Variants in GRID2 observed in about 807,000 individuals in gnomAD.
GRID2 encodes the protein glutamate receptor ionotropic, delta-2.
Under a neutral mutation model 114.8 loss-of-function variants are expected in GRID2, and 33 were observed. The ratio of observed to expected loss-of-function variants is 0.29; its 90% CI spans 0.22 to 0.38. The LOEUF (loss-of-function observed/expected upper bound fraction) is 0.38. Ranked by LOEUF, GRID2 falls within the 10% of genes least tolerant of loss-of-function variation. GRID2 has a pLI of 1.00. For synonymous variants in GRID2, 505 were observed against 449.9 expected (o/e 1.12, Z -1.55); for missense variants, 1,184 against 1,257.7 (o/e 0.94, Z 0.89).
At chr4:92,824,891 A>G (rs1223938539) in intron 2 of GRID2, among the ~76,000 whole-genome samples, 1 of 152,178 alleles carries the variant, frequency 6.6e-6, no homozygotes, top group Non-Finnish European at 1.5e-5. Flanking sequence ...AAAAACTATT[A>G]AACACATTGA....
At chr4:93,736,469 AT>A (rs1474332809) in intron 14 of GRID2, among the ~76,000 whole-genome samples, 1 of 152,058 alleles carries the variant, frequency 6.6e-6, no homozygotes, top group African/African-American at 2.4e-5. Flanking sequence ...TAAATCAAGC[AT>A]TCTGGCTTCT....
At chr4:93,627,497 CT>C (rs1171089594) in intron 14 of GRID2, among the ~76,000 whole-genome samples, 1 of 152,066 alleles carries the variant, frequency 6.6e-6, no homozygotes, top group African/African-American at 2.4e-5. Flanking sequence ...TTCTAAGGTC[CT>C]GTACTAGTCA....
At chr4:93,473,378 A>G (rs1725025147) in intron 11 of GRID2, among the ~76,000 whole-genome samples, 1 of 152,184 alleles carries the variant, frequency 6.6e-6, no homozygotes, top group Non-Finnish European at 1.5e-5. Flanking sequence ...TTCAACAATT[A>G]AAATCACATA....
chr4:93,006,328 C>A (rs1721520304), intron 2 of GRID2, among the ~76,000 whole-genome samples: 1 of 151,992 alleles, frequency 6.6e-6, no homozygotes, highest in East Asian at 1.9e-4. Context: ...AGGGGGAGAC[C>A]TAGCAGCGGC....
At chr4:93,556,201 T>C (rs1298176948) in intron 13 of GRID2, among the ~76,000 whole-genome samples, 1 of 152,022 alleles carries the variant, frequency 6.6e-6, no homozygotes, top group Non-Finnish European at 1.5e-5. Flanking sequence ...ATGCCTCTTC[T>C]CCTCCAAAGG....
chr4:92,655,978 T>G (rs1579779746), intron 2 of GRID2, among the ~76,000 whole-genome samples: 2 of 151,968 alleles, frequency 1.3e-5, no homozygotes, highest in South Asian at 4.1e-4. Context: ...CTTTTCCCCA[T>G]TCAGTATTAT....
intron 8 of GRID2, among the ~76,000 whole-genome samples, chr4:93,304,993 T>A (rs1402170783): frequency 1.3e-5 from 2 of 152,200 alleles, no homozygotes; most frequent in Non-Finnish European, 2.9e-5. Flanking sequence ...TTTAATGTAA[T>A]TTTGACAATT....
At chr4:93,726,419 G>A (rs1467821203) in intron 14 of GRID2, among the ~76,000 whole-genome samples, 1 of 152,190 alleles carries the variant, frequency 6.6e-6, no homozygotes, top group Non-Finnish European at 1.5e-5. Flanking sequence ...CAGGTAGCAT[G>A]ATGCCTCCAG....
chr4:92,576,473 C>G (rs1396281427), intron 1 of GRID2, among the ~76,000 whole-genome samples: 4 of 152,200 alleles, frequency 2.6e-5, no homozygotes, highest in Non-Finnish European at 5.9e-5. Flanking sequence ...GAAGTTGGGC[C>G]TGAAGACTGG....
At chr4:93,200,280 A>T (rs1741934478) in intron 4 of GRID2, among the ~76,000 whole-genome samples, 1 of 152,194 alleles carries the variant, frequency 6.6e-6, no homozygotes, top group South Asian at 2.1e-4. Flanking sequence ...CAAAAACATT[A>T]CATAGGCCGG....
intron 7 of GRID2, among the ~76,000 whole-genome samples, chr4:93,227,378 C>T (rs1160811529): frequency 6.6e-6 from 1 of 152,028 alleles, no homozygotes; most frequent in Non-Finnish European, 1.5e-5. Context: ...CAGCCACATG[C>T]CACCACACCT....
chr4:92,690,063 T>A (rs960752727), intron 2 of GRID2, among the ~76,000 whole-genome samples: 4 of 152,056 alleles, frequency 2.6e-5, no homozygotes, highest in Admixed American at 2.6e-4. Context: ...GAGTCACCCT[T>A]AAAAAAATTT....
rs542607498 is a variant in GRID2 at position 92,755,542 on chromosome 4, A to G, written c.244+165256A>G. Among the ~76,000 whole-genome samples the G allele has an allele frequency of 3.3e-5, 5 of 152,248 alleles. No homozygotes were observed. The East Asian group carries it at 9.7e-4, about 30-fold the overall frequency. ...CTGAATTAGGAACGCAAAGTGAGTTAAGCGAGGGAGCCCACCATGTAAAGA... is the reference window on the plus strand; with the variant it reads ...CTGAATTAGGAACGCAAAGTGAGTTGAGCGAGGGAGCCCACCATGTAAAGA... On this transcript the variant is annotated intron_variant, in intron 2 of 15. Transcript: ENST00000282020.
At chr4:92,587,106 GTGTGTGT>G (rs1728489972) in intron 1 of GRID2, among the ~76,000 whole-genome samples, 2 of 146,644 alleles carry the variant, frequency 1.4e-5, no homozygotes, top group South Asian at 2.1e-4. Flanking sequence ...TGCTGTGTGT[GTGTGTGT>G]GTGTGTGTGT....
At chr4:92,692,273 C>T (rs1024841646) in intron 2 of GRID2, among the ~76,000 whole-genome samples, 14 of 152,110 alleles carry the variant, frequency 9.2e-5, no homozygotes, top group African/African-American at 3.4e-4. Flanking sequence ...AATATTTCTG[C>T]TACAAGTACT....
chr4:92,862,829 A>G (rs1293267632), intron 2 of GRID2, among the ~76,000 whole-genome samples: 1 of 152,084 alleles, frequency 6.6e-6, no homozygotes, highest in Admixed American at 6.6e-5. Context: ...TAAGTCCTTC[A>G]TTCATTTTCT....
chr4:93,507,164 C>CT (rs1278455787), intron 12 of GRID2, among the ~76,000 whole-genome samples: 1 of 152,150 alleles, frequency 6.6e-6, no homozygotes, highest in Non-Finnish European at 1.5e-5. Context: ...TTACAGAGCT[C>CT]TTAATTATGG....
rs377672594 is a variant in GRID2 at position 92,674,108 on chromosome 4, T to C, written c.244+83822T>C. Among the ~76,000 whole-genome samples, 5 of 152,354 alleles carry C rather than the reference T, an allele frequency of 3.3e-5. No homozygotes were observed. In the East Asian group the frequency reaches 9.6e-4, roughly 29 times the overall value. ...TCTTATTGTGTTGAATTGAGTGCTT[T>C]TTCATTGGATTTATCCTGTTTAAAA... On this transcript the variant is annotated intron_variant, in intron 2 of 15. Coordinates refer to ENST00000282020, the MANE Select transcript of GRID2 (RefSeq NM_001510.4).
chr4:92,586,820 T>A (rs1052745981), intron 1 of GRID2, among the ~76,000 whole-genome samples: 5 of 152,012 alleles, frequency 3.3e-5, no homozygotes, highest in African/African-American at 7.2e-5. Context: ...AACATTAATA[T>A]TTTTCTAAGA....
Sources: gnomAD v4.1 joint callset for allele counts (sites outside exome capture counted in the v4.1 genomes callset) on GRCh38, gnomAD v4.1.1 for gene constraint, MANE v1.5 for transcripts, NCBI Gene and HGNC (gene_info 2026-07-23, HGNC 2026-07-21) for gene names.